The following DGKI variants were observed in gnomAD, a reference collection of about 807,000 sequenced individuals.
DGKI encodes the protein diacylglycerol kinase iota, also known as DAG kinase iota.
In DGKI, 55 loss-of-function variants were observed where a neutral mutation model predicts 147.5. The observed-to-expected ratio is 0.37, with a 90% CI of 0.30 to 0.47. The LOEUF is 0.47. Among genes scored for constraint, DGKI ranks in the 20% least tolerant of loss-of-function variants. The pLI is 1.00. For synonymous variants in DGKI, 469 were observed against 477.1 expected, an observed-to-expected ratio of 0.98 and a Z score of 0.22; for missense variants, 1,007 against 1,323.8, an observed-to-expected ratio of 0.76 and a Z score of 3.71.
At chr7:137,614,566 T>C (rs1483954466) in intron 8 of DGKI, among the ~76,000 whole-genome samples, 1 of 152,166 alleles carries the variant, frequency 6.6e-6, no homozygotes, top group Non-Finnish European at 1.5e-5. Flanking sequence ...ATTCTTAAAT[T>C]TGGGGTTTTC....
chr7:137,548,728 G>A lies in DGKI; in HGVS notation c.2147+3641C>T, dbSNP rs529049591. 3.3e-5 allele frequency among the ~76,000 whole-genome samples: 5 copies of A among 152,302 alleles called. No homozygotes were observed. In the East Asian group the frequency reaches 9.7e-4, roughly 29 times the overall value. On this transcript the variant is annotated intron_variant, in intron 20 of 32. Transcript: ENST00000614521. ...CACGCCTGTAATCCCAGCACTTTGGGAGGCTGAGGCGGGCAGATCACTTGA... is the reference window on the plus strand; with the variant it reads ...CACGCCTGTAATCCCAGCACTTTGGAAGGCTGAGGCGGGCAGATCACTTGA...
rs1288284664 is a variant in DGKI, at chr7:137,525,411, A to G, written c.2148-3445T>C. Among the ~76,000 whole-genome samples, 9 of 152,266 alleles carry G rather than the reference A, an allele frequency of 5.9e-5. No individual in the cohort carries two copies. The East Asian group carries it at 1.7e-3, about 29-fold the overall frequency. On this transcript the variant is annotated intron_variant, in intron 20 of 32. Transcript: ENST00000614521. ...GATGTCCCAGTTGAGACTCATCAGCAAATTCTAGGGCATTAGACCCCAGGG... is the reference window on the plus strand; with the variant it reads ...GATGTCCCAGTTGAGACTCATCAGCGAATTCTAGGGCATTAGACCCCAGGG...
chr7:137,641,368 C>A (rs1016184725), intron 6 of DGKI, among the ~76,000 whole-genome samples: 1 of 152,166 alleles, frequency 6.6e-6, no homozygotes, highest in African/African-American at 2.4e-5. Flanking sequence ...CTATGTATTA[C>A]AGGTTGAACA....
intron 1 of DGKI, among the ~76,000 whole-genome samples, chr7:137,784,283 T>G (rs749816059): frequency 2.6e-5 from 4 of 152,156 alleles, no homozygotes; most frequent in Non-Finnish European, 5.9e-5. Flanking sequence ...GAAAAAGATA[T>G]TCCATGCAAC....
intron 7 of DGKI, 69 bp downstream of exon 7, chr7:137,623,414 T>A (rs970386110): frequency 4.5e-5 from 65 of 1,443,642 alleles, no homozygotes; most frequent in Non-Finnish European, 5.9e-5. Context: ...AGGGAGAAAC[T>A]CAAATAATGA....
intron 15 of DGKI, among the ~76,000 whole-genome samples, chr7:137,578,644 G>A: frequency 6.6e-6 from 1 of 152,194 alleles, no homozygotes; most frequent in South Asian, 2.1e-4. Flanking sequence ...CTATACATCT[G>A]TGGAGGGGAG....
chr7:137,630,585 G>A (rs906171778), intron 6 of DGKI, among the ~76,000 whole-genome samples: 1 of 152,094 alleles, frequency 6.6e-6, no homozygotes. Context: ...ATGCCTTCGT[G>A]GAAACAGACA....
At chr7:137,785,872 A>G (rs1796654265) in intron 1 of DGKI, among the ~76,000 whole-genome samples, 1 of 152,204 alleles carries the variant, frequency 6.6e-6, no homozygotes, top group Admixed American at 6.5e-5. Flanking sequence ...AACAAAAATC[A>G]CATGATCATC....
At chr7:137,841,239 A>G (rs941442060) in intron 1 of DGKI, among the ~76,000 whole-genome samples, 1 of 152,222 alleles carries the variant, frequency 6.6e-6, no homozygotes, top group Non-Finnish European at 1.5e-5. Context: ...CCTGGTGAAC[A>G]AGCCAGCAAT....
In DGKI at chr7:137,397,292, A is replaced by G. The variant is rs1333118429; in HGVS notation, c.2957+85T>C. 4.6e-6 allele frequency: 6 copies of G among 1,293,386 alleles called. No homozygotes were observed. In the African/African-American group the frequency reaches 9.0e-5, roughly 19 times the overall value. 80.1% of individuals were successfully genotyped at this position (1,293,386 alleles called of 1,614,324 possible). A position where few individuals can be genotyped will look rare whatever the true frequency, so the allele number is the denominator to read the frequency against. ...TGAATTAATTAAGTTAAAATTACCT[A>G]TGATATGCTCTATAGATTACATTCT... is the stretch of plus-strand genomic sequence containing the variant. On this transcript the variant is annotated intron_variant, in intron 31 of 32. Coordinates refer to ENST00000614521, the MANE Select transcript of DGKI (RefSeq NM_001321708.2).
intron 12 of DGKI, among the ~76,000 whole-genome samples, chr7:137,592,914 C>T (rs1819664836): frequency 6.6e-6 from 1 of 152,252 alleles, no homozygotes; most frequent in South Asian, 2.1e-4. Flanking sequence ...ACTGAAGGTA[C>T]ACTGTGTGCT....
rs113180064 is a variant in DGKI at position 137,835,912 on chromosome 7, T to C, written c.401+10550A>G. Among the ~76,000 whole-genome samples, 809 of 152,352 alleles carry C rather than the reference T, an allele frequency of 5.3e-3. 4 individuals carry two copies. The highest frequency in any genetic ancestry group is 8.6e-3 in the Non-Finnish European group (582 of 68,034). On this transcript the variant is annotated intron_variant, in intron 1 of 32. Coordinates refer to ENST00000614521, the MANE Select transcript of DGKI (RefSeq NM_001321708.2). ...ACCTGGCAATGTCCCTTATGGCACATGGCCTTGGGAAAGTCGCTTAGCTAC... is the reference window on the plus strand; with the variant it reads ...ACCTGGCAATGTCCCTTATGGCACACGGCCTTGGGAAAGTCGCTTAGCTAC...
chr7:137,469,492 T>G, intron 24 of DGKI, 58 bp downstream of exon 24: 1 of 1,558,190 alleles, frequency 6.4e-7, no homozygotes, highest in Non-Finnish European at 8.8e-7. Flanking sequence ...TATCAATTGA[T>G]GCCTTGCTCT....
At chr7:137,544,703 C>G (rs780690618) in intron 20 of DGKI, among the ~76,000 whole-genome samples, 3 of 151,976 alleles carry the variant, frequency 2.0e-5, no homozygotes, top group African/African-American at 2.4e-5. Context: ...ACCAAGAAAA[C>G]CAATCAATCA....
At chr7:137,608,822 C>A (rs978003258) in intron 10 of DGKI, 144 bp downstream of exon 10, 2 of 658,200 alleles carry the variant, frequency 3.0e-6, no homozygotes, top group Admixed American at 5.4e-5. Flanking sequence ...GTAAAGCTAT[C>A]AGAGAAACAA....
intron 5 of DGKI, among the ~76,000 whole-genome samples, chr7:137,649,418 C>T (rs1182361660): frequency 1.3e-5 from 2 of 152,140 alleles, no homozygotes; most frequent in African/African-American, 4.8e-5. Context: ...CAAAGCAAGG[C>T]TTCTAACACC....
At chr7:137,631,852 A>G (rs1484469837) in intron 6 of DGKI, among the ~76,000 whole-genome samples, 1 of 152,212 alleles carries the variant, frequency 6.6e-6, no homozygotes, top group African/African-American at 2.4e-5. Flanking sequence ...TACAGCTGAA[A>G]AGCCCATCAG....
At chr7:137,394,895 G>A (rs150046770) in intron 32 of DGKI, among the ~76,000 whole-genome samples, 8 of 152,274 alleles carry the variant, frequency 5.3e-5, no homozygotes, top group African/African-American at 1.9e-4. Context: ...CACTGGGCTG[G>A]ACGTCAAAAG....
intron 23 of DGKI, among the ~76,000 whole-genome samples, chr7:137,478,411 A>G (rs1244312829): frequency 6.6e-6 from 1 of 152,178 alleles, no homozygotes; most frequent in Non-Finnish European, 1.5e-5. Context: ...ACGTCTATCT[A>G]TACACCTTTC....
Sources: allele counts gnomAD v4.1 joint callset (sites outside exome capture counted in the v4.1 genomes callset), GRCh38; gene constraint gnomAD v4.1.1; transcripts MANE v1.5; gene names NCBI Gene and HGNC (gene_info 2026-07-23, HGNC 2026-07-21).